The following THSD7B variants were observed in gnomAD, a reference collection of about 807,000 sequenced individuals.
THSD7B encodes thrombospondin type-1 domain-containing protein 7B.
In THSD7B, 138 loss-of-function variants were observed where a neutral mutation model predicts 213.6. That is an observed-to-expected ratio of 0.65 (90% CI 0.56 to 0.74). The LOEUF (loss-of-function observed/expected upper bound fraction) is 0.74. Ranked by LOEUF, THSD7B falls within the 30% of genes least tolerant of loss-of-function variation. The pLI, the probability that THSD7B is intolerant of heterozygous loss-of-function variation, is 0.00. For missense variants in THSD7B, 1,931 were observed against 1,991.5 expected, an observed-to-expected ratio of 0.97 and a Z score of 0.58; for synonymous variants, 742 against 687.0, an observed-to-expected ratio of 1.08 and a Z score of -1.25.
intron 5 of THSD7B, among the ~76,000 whole-genome samples, chr2:137,153,978 C>T (rs570952042): frequency 2.0e-5 from 3 of 152,066 alleles, no homozygotes; most frequent in African/African-American, 4.8e-5. Flanking sequence ...CATTTCCTTT[C>T]GGGTTTACAG....
At chr2:137,573,426 C>T (rs1028328730) in intron 17 of THSD7B, among the ~76,000 whole-genome samples, 1 of 151,958 alleles carries the variant, frequency 6.6e-6, no homozygotes, top group Non-Finnish European at 1.5e-5. Flanking sequence ...ATTATTGATT[C>T]CTTATTAAAT....
chr2:136,926,731 C>T (rs1684534787), intron 2 of THSD7B, among the ~76,000 whole-genome samples: 1 of 151,688 alleles, frequency 6.6e-6, no homozygotes, highest in South Asian at 2.1e-4. Flanking sequence ...AAAAACAGTG[C>T]TCATGAGCAG....
At chr2:136,931,295 C>T (rs976319893) in intron 2 of THSD7B, among the ~76,000 whole-genome samples, 5 of 152,164 alleles carry the variant, frequency 3.3e-5, no homozygotes, top group Admixed American at 2.6e-4. Context: ...GAATGCAAAC[C>T]TCACTAGCCG....
At chr2:137,404,462 TATATATATATATACACACACAC>T (rs1686454408) in intron 12 of THSD7B, among the ~76,000 whole-genome samples, 1 of 81,918 alleles carries the variant, frequency 1.2e-5, no homozygotes, top group Non-Finnish European at 2.5e-5. Flanking sequence ...TATATATATA[TATATATATATATACACACACAC>T]ACACACACAC....
At chr2:136,996,277 A>T (rs1398582150) in intron 2 of THSD7B, among the ~76,000 whole-genome samples, 1 of 150,958 alleles carries the variant, frequency 6.6e-6, no homozygotes, top group Non-Finnish European at 1.5e-5. Flanking sequence ...TTTACCAAAA[A>T]ATAAGTCAGA....
At chr2:136,787,754 C>T (rs11890320) in intron 1 of THSD7B, among the ~76,000 whole-genome samples, 6,740 of 151,996 alleles carry the variant, frequency 0.044, 510 homozygotes, top group African/African-American at 0.15. Context: ...AAAGCTTGGC[C>T]GTGTGATTTG....
intron 1 of THSD7B, among the ~76,000 whole-genome samples, chr2:136,873,065 C>CAATGTTTG (rs1683466292): frequency 7.3e-6 from 1 of 136,078 alleles, no homozygotes; most frequent in African/African-American, 2.7e-5. Flanking sequence ...GAGAATATAG[C>CAATGTTTG]AATGTTTGTC....
chr2:136,922,873 T>C (rs1684457881), intron 2 of THSD7B, among the ~76,000 whole-genome samples: 1 of 152,222 alleles, frequency 6.6e-6, no homozygotes, highest in South Asian at 2.1e-4. Flanking sequence ...GACCCCCAAG[T>C]GCCATTCCTC....
chr2:136,872,120 A>C (rs1683439197), intron 1 of THSD7B, among the ~76,000 whole-genome samples: 2 of 152,214 alleles, frequency 1.3e-5, no homozygotes, highest in African/African-American at 4.8e-5. Context: ...CTTACAGCTC[A>C]TGTAGCAGAA....
intron 1 of THSD7B, among the ~76,000 whole-genome samples, chr2:136,842,610 T>C (rs540128387): frequency 6.6e-6 from 1 of 152,236 alleles, no homozygotes; most frequent in South Asian, 2.1e-4. Flanking sequence ...CATTTGGAAG[T>C]AAAGCACAAG....
chr2:137,077,290 G>A (rs1387725338), intron 3 of THSD7B, among the ~76,000 whole-genome samples: 6 of 151,998 alleles, frequency 3.9e-5, no homozygotes, highest in African/African-American at 7.3e-5. Context: ...AAACATACTT[G>A]TGCATGTGTC....
chr2:136,985,891 T>A (rs1685664714), intron 2 of THSD7B, among the ~76,000 whole-genome samples: 1 of 152,238 alleles, frequency 6.6e-6, no homozygotes. Flanking sequence ...GCCCACTCCT[T>A]GCATCAGCGT....
chr2:137,352,768 C>T (rs924738760), intron 12 of THSD7B, among the ~76,000 whole-genome samples: 16 of 151,946 alleles, frequency 1.1e-4, no homozygotes, highest in African/African-American at 2.2e-4. Flanking sequence ...TAATGTTAAA[C>T]TCTTCGTGAA....
Position 137,056,602 on chromosome 2 carries a change from G to A in THSD7B, c.322G>A (p.Val108Ile), listed in dbSNP as rs747634114. 6 of 1,613,934 alleles carry A rather than the reference G, an allele frequency of 3.7e-6. No homozygotes were observed. The highest frequency in any genetic ancestry group is 4.5e-5 in the East Asian group (2 of 44,858). The change falls in exon 3 of 28, where the codon GTT becomes ATT. Residue 108 changes from valine (V) to isoleucine (I), a missense_variant. By Grantham distance (29) the Val-to-Ile change is conservative (BLOSUM62 3). Transcript: ENST00000409968. ...DWHSDLFQWE[V>I]SDWHHCVLVP... ...GCACAGTGACCTCTTTCAGTGGGAG[G>A]TTTCTGACTGGCACCACTGTGTGCT...
intron 2 of THSD7B, among the ~76,000 whole-genome samples, chr2:136,999,795 A>G (rs1301723548): frequency 1.3e-5 from 2 of 152,156 alleles, no homozygotes; most frequent in South Asian, 2.1e-4. Flanking sequence ...ATTTTAGTAT[A>G]GTAGAAGTTG....
intron 1 of THSD7B, among the ~76,000 whole-genome samples, chr2:136,818,609 C>T (rs1682520849): frequency 6.6e-6 from 1 of 152,098 alleles, no homozygotes; most frequent in Admixed American, 6.5e-5. Flanking sequence ...TTATGTTCAG[C>T]ACTCCAAAGA....
rs755824865 is a variant in THSD7B, at chr2:137,232,913, C to G, written c.1930C>G (p.Pro644Ala). The change falls in exon 9 of 28, where the codon CCC (proline) becomes GCC (alanine). Residue 644 changes from proline to alanine, a missense_variant. By Grantham distance (27) the Pro-to-Ala change is conservative. Coordinates refer to ENST00000409968, the MANE Select transcript of THSD7B (RefSeq NM_001316349.2). ...ALAGEGGKPCPPSQALQEHRL... is the reference protein window; with the variant it reads ...ALAGEGGKPCAPSQALQEHRL... ...ATTTTTGGCAGGTGGAAAGCCATGT[C>G]CCCCTAGTCAGGCTCTCCAAGAGCA... is the stretch of plus-strand genomic sequence containing the variant. 5.6e-6 allele frequency: 9 copies of G among 1,613,740 alleles called. No individual in the cohort carries two copies. The highest frequency in any genetic ancestry group is 7.6e-6 in the Non-Finnish European group (9 of 1,179,784).
intron 18 of THSD7B, among the ~76,000 whole-genome samples, chr2:137,616,977 T>G (rs1162575393): frequency 6.6e-6 from 1 of 152,048 alleles, no homozygotes; most frequent in Non-Finnish European, 1.5e-5. Flanking sequence ...AATTCAATAC[T>G]GACAACCAAA....
chr2:136,996,748 T>C lies in THSD7B; in HGVS notation c.140-59672T>C, dbSNP rs567798171. ...ATCAATCAATATTCATTGGTTACCC[T>C]TGGAAACAGCATGTTGGATGCCAAA... On this transcript the variant is annotated intron_variant, in intron 2 of 27. Coordinates refer to ENST00000409968, the MANE Select transcript of THSD7B (RefSeq NM_001316349.2). Among the ~76,000 whole-genome samples the C allele has an allele frequency of 8.5e-5, 13 of 152,318 alleles. No individual in the cohort carries two copies. In the East Asian group the frequency reaches 1.9e-3, roughly 23 times the overall value.
Sources: allele counts gnomAD v4.1 joint callset (sites outside exome capture counted in the v4.1 genomes callset), GRCh38; gene constraint gnomAD v4.1.1; transcripts MANE v1.5; gene names NCBI Gene and HGNC (gene_info 2026-07-23, HGNC 2026-07-21).